The following SLC2A9 variants were observed in gnomAD, a reference collection of about 807,000 sequenced individuals.
SLC2A9 encodes the protein solute carrier family 2, facilitated glucose transporter member 9.
A neutral mutation model predicts 50.6 loss-of-function variants in SLC2A9; 39 were observed. The observed-to-expected ratio is 0.77, with a 90% CI of 0.60 to 1.01. SLC2A9 has a LOEUF of 1.01. Ranked by LOEUF, SLC2A9 falls within the 50% of genes least tolerant of loss-of-function variation. SLC2A9 has a pLI of 0.00. For synonymous variants in SLC2A9, 324 were observed against 276.9 expected (o/e 1.17, Z -1.69); for missense variants, 686 against 677.6 (o/e 1.01, Z -0.14).
chr4:9,820,278 G>T (rs946919362), intron 3 of SLC2A9, among the ~76,000 whole-genome samples: 53 of 152,086 alleles, frequency 3.5e-4, no homozygotes, highest in African/African-American at 1.2e-3. Context: ...TTTTTGTGTG[G>T]GTCTATTTCT....
At chr4:9,968,594 T>G (rs931451924) in intron 5 of SLC2A9, among the ~76,000 whole-genome samples, 1 of 152,218 alleles carries the variant, frequency 6.6e-6, no homozygotes, top group African/African-American at 2.4e-5. Flanking sequence ...ATGCTTTTAC[T>G]AAGAGCCATA....
At chr4:9,913,545 C>G (rs969143366) in intron 7 of SLC2A9, among the ~76,000 whole-genome samples, 25 of 152,180 alleles carry the variant, frequency 1.6e-4, no homozygotes, top group Admixed American at 1.4e-3. Context: ...CCTACTGTTT[C>G]CAGGGACCTC....
chr4:9,843,630 C>T (rs914703824), intron 10 of SLC2A9, among the ~76,000 whole-genome samples: 3 of 152,112 alleles, frequency 2.0e-5, no homozygotes, highest in East Asian at 1.9e-4. Context: ...CTTTCTGGCT[C>T]GACTTTCCTC....
upstream of SLC2A9, among the ~76,000 whole-genome samples, chr4:10,025,286 T>A (rs562924969): frequency 2.2e-3 from 337 of 152,322 alleles, 4 homozygotes; most frequent in Middle Eastern, 0.014. Flanking sequence ...GACAAGTGGC[T>A]TCATCCCTTT....
chr4:9,818,904 C>T (rs574233538), intron 3 of SLC2A9, among the ~76,000 whole-genome samples: 4 of 152,002 alleles, frequency 2.6e-5, no homozygotes, highest in African/African-American at 9.6e-5. Flanking sequence ...GGGTGGATCA[C>T]AAGGTCAGGA....
At chr4:9,985,877 C>T in intron 3 of SLC2A9, 84 bp from the exon 4 acceptor site, 1 of 1,592,888 alleles carries the variant, frequency 6.3e-7, no homozygotes, top group Non-Finnish European at 8.6e-7. Context: ...AGGAGCCAGG[C>T]CCTTCTGAAG....
intron 3 of SLC2A9, among the ~76,000 whole-genome samples, chr4:9,804,130 C>T (rs1463145690): frequency 2.0e-5 from 3 of 152,134 alleles, no homozygotes; most frequent in African/African-American, 7.2e-5. Context: ...GATAAAAATA[C>T]AATTTTAAAT....
At chr4:9,973,230 C>T (rs1427504748) in intron 5 of SLC2A9, among the ~76,000 whole-genome samples, 1 of 152,042 alleles carries the variant, frequency 6.6e-6, no homozygotes, top group African/African-American at 2.4e-5. Context: ...TCACAATTTC[C>T]CAAGATTCAA....
At chr4:9,779,454 A>G (rs1718027224), downstream of SLC2A9, among the ~76,000 whole-genome samples, 1 of 148,924 alleles carries the variant, frequency 6.7e-6, no homozygotes, top group African/African-American at 2.5e-5. Context: ...TGGCTCTGTC[A>G]CCCAGGCTGG....
At chr4:9,784,606 T>C (rs1475775178) in intron 3 of SLC2A9, among the ~76,000 whole-genome samples, 4 of 152,326 alleles carry the variant, frequency 2.6e-5, no homozygotes, top group South Asian at 4.2e-4. Context: ...GAACTTGAAA[T>C]TGGAAAATCT....
chr4:9,883,289 G>A (rs1577685369), intron 10 of SLC2A9, among the ~76,000 whole-genome samples: 1 of 152,188 alleles, frequency 6.6e-6, no homozygotes, highest in African/African-American at 2.4e-5. Flanking sequence ...CTGGATTTGG[G>A]GACAGATGTG....
At chr4:9,970,337 A>G (rs1753697769) in intron 5 of SLC2A9, among the ~76,000 whole-genome samples, 1 of 152,216 alleles carries the variant, frequency 6.6e-6, no homozygotes, top group South Asian at 2.1e-4. Context: ...GGTGGCAGTC[A>G]CAGGTTGAGA....
At chr4:9,836,815 G>T (rs1727186872) in intron 10 of SLC2A9, among the ~76,000 whole-genome samples, 1 of 152,194 alleles carries the variant, frequency 6.6e-6, no homozygotes. Context: ...GGAGGCAATG[G>T]TTGTTTAGGG....
chr4:9,920,525 C>T lies in SLC2A9; in HGVS notation c.862G>A (p.Glu288Lys). 1 of 1,614,212 alleles carries T rather than the reference C, an allele frequency of 6.2e-7. No individual in the cohort carries two copies. The highest frequency in any genetic ancestry group is 8.5e-7 in the Non-Finnish European group (1 of 1,180,038). Residue 288 changes from glutamate (E) to lysine (K), a missense_variant, in exon 7 of 12, where the codon GAG (glutamate) becomes AAG (lysine). Physicochemically the swap from Glu to Lys is moderately conservative, Grantham distance 56 (BLOSUM62 1). Coordinates refer to ENST00000264784, the MANE Select transcript of SLC2A9 (RefSeq NM_020041.3). Reference protein sequence around the residue: ...GKADVSQEVEEVLAESRVQRS... With the variant: ...GKADVSQEVEKVLAESRVQRS... ...TGCACGCGGCTCTCAGCCAGGACCT[C>T]CTCTACCTCTTGGGAAACGTCTGCT...
At chr4:9,969,518 T>C (rs1485152482) in intron 5 of SLC2A9, among the ~76,000 whole-genome samples, 5 of 152,244 alleles carry the variant, frequency 3.3e-5, no homozygotes, top group African/African-American at 1.2e-4. Context: ...TGTGGTTTTT[T>C]TCCCCCAAGA....
chr4:9,906,141 C>A (rs568444012), intron 8 of SLC2A9, among the ~76,000 whole-genome samples: 1 of 152,282 alleles, frequency 6.6e-6, no homozygotes, highest in South Asian at 2.1e-4. Context: ...AATCCTCAGC[C>A]CATCCCTATG....
intron 10 of SLC2A9, among the ~76,000 whole-genome samples, chr4:9,877,984 G>C (rs1013417421): frequency 2.0e-5 from 3 of 152,096 alleles, no homozygotes; most frequent in African/African-American, 7.2e-5. Flanking sequence ...ATGCAGTTGA[G>C]AGTGCCAGCC....
intron 3 of SLC2A9, among the ~76,000 whole-genome samples, chr4:9,790,609 G>A (rs1008300601): frequency 2.6e-5 from 4 of 152,278 alleles, no homozygotes; most frequent in Non-Finnish European, 4.4e-5. Context: ...TGGGAGGTGG[G>A]GGATGTGTGA....
chr4:9,984,868 C>A lies in SLC2A9; in HGVS notation c.535+801G>T, dbSNP rs547137410. Among the ~76,000 whole-genome samples the A allele has an allele frequency of 5.3e-5, 8 of 152,308 alleles. No homozygotes were observed. The South Asian group carries it at 1.7e-3, about 32-fold the overall frequency. The stretch of plus-strand genomic sequence containing the variant: ...ATCTCAACCCTCCCTGCATACTCGG[C>A]ACAGGCACACAGTCCTCGCCGTGGC... On this transcript the variant is annotated intron_variant, in intron 4 of 11. Coordinates refer to ENST00000264784, the MANE Select transcript of SLC2A9 (RefSeq NM_020041.3).
Sources: gnomAD v4.1 joint callset for allele counts (sites outside exome capture counted in the v4.1 genomes callset) on GRCh38, gnomAD v4.1.1 for gene constraint, MANE v1.5 for transcripts, NCBI Gene and HGNC (gene_info 2026-07-23, HGNC 2026-07-21) for gene names.